ANKRD30B: variants seen among roughly 807,000 people sequenced by gnomAD.
ANKRD30B encodes the protein ankyrin repeat domain-containing protein 30B.
ANKRD30B carries 144 observed loss-of-function variants against 202.2 expected under a neutral mutation model. The observed-to-expected ratio is 0.71, with a 90% CI of 0.62 to 0.82. The LOEUF is 0.82. Ranked by LOEUF, ANKRD30B falls within the 40% of genes least tolerant of loss-of-function variation. ANKRD30B has a pLI of 0.00. For synonymous variants in ANKRD30B, 508 were observed against 561.3 expected (o/e 0.91, Z 1.34); for missense variants, 1,487 against 1,669.1 (o/e 0.89, Z 1.90).
intron 30 of ANKRD30B, among the ~76,000 whole-genome samples, chr18:14,815,723 A>T (rs1970059344): frequency 6.6e-6 from 1 of 152,244 alleles, no homozygotes; most frequent in Admixed American, 6.5e-5. Context: ...AGTGATTTTA[A>T]CATAGAAAAT....
rs1352164997 is a variant in ANKRD30B, at chr18:14,752,830, T to C, written c.337-9T>C. On this transcript the variant is annotated splice_polypyrimidine_tract_variant and intron_variant, in intron 2 of 43. Coordinates refer to ENST00000690538, the MANE Select transcript of ANKRD30B (RefSeq NM_001367607.2). Reference sequence around the variant, plus strand: ...ATTTATAATGTACTTCTTGCTTTAATACTGACAGGCTCTACAATGCGAGAG... The same window carrying C: ...ATTTATAATGTACTTCTTGCTTTAACACTGACAGGCTCTACAATGCGAGAG... The C allele has an allele frequency of 1.9e-6, 3 of 1,605,054 alleles. No individual in the cohort carries two copies. Among genetic ancestry groups the C allele is most frequent in the Non-Finnish European group, 2.6e-6 (3 of 1,175,336 alleles).
At chr18:14,894,053 T>C in the ANKRD30B span, among the ~76,000 whole-genome samples, 1 of 152,098 alleles carries the variant, frequency 6.6e-6, no homozygotes, top group Non-Finnish European at 1.5e-5. Context: ...TTGCCAGCAA[T>C]ATTGTCAACA....
At chr18:14,903,839 T>G in the ANKRD30B span, 1 of 152,200 alleles carries the variant, frequency 6.6e-6, no homozygotes, top group East Asian at 1.9e-4. Flanking sequence ...CACCACAGAA[T>G]CCTTAAGCAC....
intron 33 of ANKRD30B, among the ~76,000 whole-genome samples, 192 bp downstream of exon 33, chr18:14,828,500 A>C (rs1970757592): frequency 6.6e-6 from 1 of 152,174 alleles, no homozygotes; most frequent in Admixed American, 6.5e-5. Context: ...TTAATCAGGC[A>C]AATGTGATTC....
intron 7 of ANKRD30B, among the ~76,000 whole-genome samples, chr18:14,765,939 G>A (rs974178105): frequency 3.3e-5 from 5 of 152,020 alleles, no homozygotes; most frequent in Admixed American, 2.6e-4. Flanking sequence ...GTAATTGGTA[G>A]GGTTTCTTTT....
the ANKRD30B span, among the ~76,000 whole-genome samples, chr18:14,919,601 G>A: frequency 6.6e-6 from 1 of 152,160 alleles, no homozygotes; most frequent in African/African-American, 2.4e-5. Context: ...CCCCAGCCCT[G>A]GTCCCATGGG....
chr18:14,854,290 C>G lies in ANKRD30B; in HGVS notation c.*132C>G, dbSNP rs941448261. Among the ~76,000 whole-genome samples, 32 of 151,960 alleles carry G rather than the reference C, an allele frequency of 2.1e-4. 1 individual carries two copies. The highest frequency in any genetic ancestry group is 4.1e-4 in the Non-Finnish European group (28 of 68,002). On this transcript the variant is annotated 3_prime_UTR_variant, in exon 44 of 44. Transcript: ENST00000690538. ...ATGAAAAGAAATAACCAAAAATTTACTTCCCAAGATAGGATGTACAGAACT... is the reference window on the plus strand; with the variant it reads ...ATGAAAAGAAATAACCAAAAATTTAGTTCCCAAGATAGGATGTACAGAACT...
At chr18:14,778,721 A>G (rs1489037804) in intron 10 of ANKRD30B, among the ~76,000 whole-genome samples, 1 of 152,210 alleles carries the variant, frequency 6.6e-6, no homozygotes, top group African/African-American at 2.4e-5. Flanking sequence ...GTGATTCAGC[A>G]GACTTGGGAT....
chr18:14,805,710 C>A (rs1036718391), intron 24 of ANKRD30B, among the ~76,000 whole-genome samples: 1 of 150,868 alleles, frequency 6.6e-6, no homozygotes, highest in African/African-American at 2.5e-5. Flanking sequence ...ATTAAAGACA[C>A]ATGGTGTAGC....
At chr18:14,752,142 T>G (rs1167597100) in intron 1 of ANKRD30B, among the ~76,000 whole-genome samples, 1 of 152,178 alleles carries the variant, frequency 6.6e-6, no homozygotes. Context: ...AATTATAATA[T>G]CTAACAATTA....
At chr18:14,816,031 C>T (rs1970083548) in intron 30 of ANKRD30B, 1 of 152,196 alleles carries the variant, frequency 6.6e-6, no homozygotes, top group Non-Finnish European at 1.5e-5. Flanking sequence ...GCTGAACTCT[C>T]ATCCAAACTT....
At chr18:14,776,757 TTATC>T (rs1445134698) in intron 9 of ANKRD30B, among the ~76,000 whole-genome samples, 1 of 152,240 alleles carries the variant, frequency 6.6e-6, no homozygotes, top group Non-Finnish European at 1.5e-5. Context: ...ATTGCGTACT[TTATC>T]TAATGATTGT....
At chr18:14,755,413 T>G (rs571475404) in intron 4 of ANKRD30B, among the ~76,000 whole-genome samples, 1 of 152,132 alleles carries the variant, frequency 6.6e-6, no homozygotes, top group Non-Finnish European at 1.5e-5. Context: ...TTATTATTAT[T>G]ATACTTTTAA....
rs766794687 is a variant in ANKRD30B at position 14,797,702 on chromosome 18, A to G, written c.1956+13A>G. The G allele has an allele frequency of 5.6e-6, 9 of 1,609,508 alleles. No individual in the cohort carries two copies. The South Asian group carries it at 9.9e-5, about 18-fold the overall frequency. ...TGGTCTTCTGAAGGTAATAGCTTTT[A>G]TGTCTCTATCTTGAATATTAACTAC... On this transcript the variant is annotated intron_variant, in intron 19 of 43. Transcript: ENST00000690538.
At chr18:14,933,981 C>T in the ANKRD30B span, among the ~76,000 whole-genome samples, 1 of 152,340 alleles carries the variant, frequency 6.6e-6, no homozygotes, top group African/African-American at 2.4e-5. Flanking sequence ...GTCTCAGGGC[C>T]TTGCCCGCCT....
At chr18:14,931,337 A>G in the ANKRD30B span, among the ~76,000 whole-genome samples, 3 of 152,194 alleles carry the variant, frequency 2.0e-5, no homozygotes, top group African/African-American at 7.2e-5. Flanking sequence ...ATTCTAGAAC[A>G]AGGACGAGTA....
At chr18:14,861,758 A>G in the ANKRD30B span, among the ~76,000 whole-genome samples, 2 of 152,164 alleles carry the variant, frequency 1.3e-5, no homozygotes, top group South Asian at 2.1e-4. Flanking sequence ...GAAACTGTGG[A>G]CTCAAACTGG....
chr18:14,861,444 A>G, the ANKRD30B span, among the ~76,000 whole-genome samples: 1 of 151,552 alleles, frequency 6.6e-6, no homozygotes, highest in African/African-American at 2.4e-5. Context: ...CACATAAATG[A>G]AAAACAAAAA....
At chr18:14,750,823 A>G (rs1913311427) in intron 1 of ANKRD30B, among the ~76,000 whole-genome samples, 1 of 152,126 alleles carries the variant, frequency 6.6e-6, no homozygotes. Flanking sequence ...GTTTGATTAT[A>G]CATACAGACT....
Sources: allele counts gnomAD v4.1 joint callset (sites outside exome capture counted in the v4.1 genomes callset), GRCh38; gene constraint gnomAD v4.1.1; transcripts MANE v1.5; gene names NCBI Gene and HGNC (gene_info 2026-07-23, HGNC 2026-07-21).